Variants in DOCK8 observed in about 807,000 individuals in gnomAD.
DOCK8 encodes dedicator of cytokinesis 8.
DOCK8 carries 141 observed loss-of-function variants against 245.6 expected under a neutral mutation model. That is an observed-to-expected ratio of 0.57 (90% confidence interval 0.50 to 0.66). The LOEUF is 0.66. Ranked by LOEUF, DOCK8 falls within the 30% of genes least tolerant of loss-of-function variation. The probability of loss-of-function intolerance (pLI) is 0.00; values close to 1 mark genes in which losing one functional copy is unlikely to be tolerated. For synonymous variants in DOCK8, 1,168 were observed against 970.2 expected (o/e 1.20, Z -3.79); for missense variants, 2,965 against 2,603.4 (o/e 1.14, Z -3.02).
At chr9:215,366 A>T in intron 1 of DOCK8, 1 of 1,594,382 alleles carries the variant, frequency 6.3e-7, no homozygotes, top group Non-Finnish European at 8.5e-7. Flanking sequence ...CGCCTGGGTA[A>T]CCGTGTTGGG....
At chr9:346,163 G>C (rs2051874708) in intron 14 of DOCK8, among the ~76,000 whole-genome samples, 1 of 152,022 alleles carries the variant, frequency 6.6e-6, no homozygotes, top group African/African-American at 2.4e-5. Flanking sequence ...AGAACAGCTG[G>C]AAAAACTGAG....
chr9:382,434 C>G (rs2053758515), intron 21 of DOCK8, 79 bp from the exon 22 acceptor site: 2 of 1,588,594 alleles, frequency 1.3e-6, no homozygotes, highest in South Asian at 1.1e-5. Flanking sequence ...CCACCCTATC[C>G]CTCTTCAATT....
chr9:414,683 T>G lies in DOCK8; in HGVS notation c.3531-99T>G, dbSNP rs543168594. 4.8e-6 allele frequency: 7 copies of G among 1,447,836 alleles called. No homozygotes were observed. The African/African-American group carries it at 7.0e-5, about 14-fold the overall frequency. 89.7% of individuals were successfully genotyped at this position (1,447,836 alleles called of 1,614,324 possible). A position where few individuals can be genotyped will look rare whatever the true frequency, so the allele number is the denominator to read the frequency against. On this transcript the variant is annotated intron_variant, in intron 28 of 47. Coordinates refer to ENST00000432829, the MANE Select transcript of DOCK8 (RefSeq NM_203447.4). The stretch of plus-strand genomic sequence containing the variant: ...ATATTGCTTGGTTTTCACAGTCACC[T>G]CATTGCTTAGGAGCGTTTTCATCAC...
chr9:256,410 C>T (rs62531334), intron 1 of DOCK8, among the ~76,000 whole-genome samples: 6,769 of 152,228 alleles, frequency 0.044, 192 homozygotes, highest in South Asian at 0.067. Flanking sequence ...GTACCCAATT[C>T]GTTTCTGCTT....
intron 1 of DOCK8, among the ~76,000 whole-genome samples, chr9:270,923 C>T (rs891790385): frequency 2.0e-5 from 3 of 152,170 alleles, no homozygotes; most frequent in African/African-American, 7.2e-5. Flanking sequence ...GATAAGTGCT[C>T]AGAAGTCAAC....
chr9:428,982 T>C (rs1405417070), intron 35 of DOCK8, among the ~76,000 whole-genome samples: 1 of 152,240 alleles, frequency 6.6e-6, no homozygotes, highest in Non-Finnish European at 1.5e-5. Context: ...ATTTATTTAT[T>C]TTTGAGACTG....
chr9:269,786 G>C (rs1261679178), intron 1 of DOCK8, among the ~76,000 whole-genome samples: 1 of 152,120 alleles, frequency 6.6e-6, no homozygotes, highest in Non-Finnish European at 1.5e-5. Flanking sequence ...ATGAACTCCT[G>C]ACCTCAAGTG....
chr9:434,999 T>G, intron 39 of DOCK8, 24 bp downstream of exon 39: 1 of 1,610,450 alleles, frequency 6.2e-7, no homozygotes, highest in Non-Finnish European at 8.5e-7. Context: ...AGCTTTTCCC[T>G]TAGAGCAGTG....
chr9:464,226 C>G lies in DOCK8; in HGVS notation c.*7C>G. The G allele has an allele frequency of 6.2e-7, 1 of 1,612,800 alleles. No homozygotes were observed. Among genetic ancestry groups the G allele is most frequent in the Non-Finnish European group, 8.5e-7 (1 of 1,178,790 alleles). On this transcript the variant is annotated 3_prime_UTR_variant, in exon 48 of 48. Coordinates refer to ENST00000432829, the MANE Select transcript of DOCK8 (RefSeq NM_203447.4). ...GTTGTCACAGGGCAGCTAAGAAAAG[C>G]CATCTTCATTCGTGGAGACTGTGGC...
intron 23 of DOCK8, among the ~76,000 whole-genome samples, chr9:387,637 T>G (rs1365942966): frequency 6.6e-6 from 1 of 152,144 alleles, no homozygotes; most frequent in Non-Finnish European, 1.5e-5. Flanking sequence ...TGCTGTGCAC[T>G]TTGCAGTATT....
Position 370,180 on chromosome 9 carries a change from A to T in DOCK8, c.1798-50A>T, listed in dbSNP as rs755635950. The T allele has an allele frequency of 2.1e-6, 3 of 1,453,216 alleles. No homozygotes were observed. The African/African-American group carries it at 4.2e-5, about 20-fold the overall frequency. The allele number at this position is 1,453,216 out of a possible 1,614,324, so 90.0% of individuals were successfully genotyped here. A position where few individuals can be genotyped will look rare whatever the true frequency, so the allele number is the denominator to read the frequency against. ...TGTTGGCCTGATGATAGTCAATTTGATGTACCCAAATGTTACTGATAATTT... is the reference window on the plus strand; with the variant it reads ...TGTTGGCCTGATGATAGTCAATTTGTTGTACCCAAATGTTACTGATAATTT... On this transcript the variant is annotated intron_variant, in intron 15 of 47. Transcript: ENST00000432829.
intron 1 of DOCK8, among the ~76,000 whole-genome samples, chr9:224,239 A>G (rs922676132): frequency 6.6e-6 from 1 of 152,150 alleles, no homozygotes; most frequent in African/African-American, 2.4e-5. Context: ...TCATTTCCTG[A>G]AATCACCAGG....
intron 4 of DOCK8, among the ~76,000 whole-genome samples, chr9:290,816 G>C (rs2049007334): frequency 6.6e-6 from 1 of 152,158 alleles, no homozygotes; most frequent in Non-Finnish European, 1.5e-5. Flanking sequence ...TATTCTATGG[G>C]GTAAATGATG....
At chr9:276,087 C>T (rs192725561) in intron 2 of DOCK8, among the ~76,000 whole-genome samples, 6 of 151,946 alleles carry the variant, frequency 3.9e-5, no homozygotes, top group Non-Finnish European at 7.4e-5. Context: ...GACGGGGTTT[C>T]GCCATGTTGG....
At chr9:423,641 A>G (rs1003741947) in intron 33 of DOCK8, among the ~76,000 whole-genome samples, 6 of 152,208 alleles carry the variant, frequency 3.9e-5, no homozygotes, top group African/African-American at 1.4e-4. Context: ...TATAGATGTG[A>G]CTTGGAAACC....
At chr9:427,502 G>A (rs560578031) in intron 34 of DOCK8, among the ~76,000 whole-genome samples, 1 of 152,168 alleles carries the variant, frequency 6.6e-6, no homozygotes, top group Non-Finnish European at 1.5e-5. Context: ...GAAAAATATA[G>A]CTTTGTGAAC....
intron 5 of DOCK8, 132 bp from the exon 6 acceptor site, chr9:311,822 C>A (rs1281136223): frequency 9.0e-7 from 1 of 1,116,202 alleles, no homozygotes; most frequent in Non-Finnish European, 1.3e-6. Context: ...TCCGCAGTTT[C>A]TTCAGAAGAC....
At position 441,320 on chromosome 9, in the gene DOCK8, A is replaced by C. The variant is rs771651682; in HGVS notation, c.5258A>C (p.Lys1753Thr). The C allele has an allele frequency of 1.2e-6, 2 of 1,614,200 alleles. No homozygotes were observed. The highest frequency in any genetic ancestry group is 2.2e-5 in the East Asian group (1 of 44,882). ...TATGAGACAGTTAATGAGGTCTACA[A>C]GCTGGTCATCCCCATCCTAGAAGCG... is the stretch of plus-strand genomic sequence containing the variant. ...GLYETVNEVY[K>T]LVIPILEAHR... Residue 1753 changes from lysine to threonine, a missense_variant, in exon 41 of 48, where the codon AAG becomes ACG. By Grantham distance (78) the Lys-to-Thr change is moderately conservative. Around this residue, in one of 3 missense-constraint regions of DOCK8, gnomAD observed 2,825 missense variants for 2,453.5 expected, o/e 1.15. Coordinates refer to ENST00000432829, the MANE Select transcript of DOCK8 (RefSeq NM_203447.4).
chr9:457,310 G>C (rs569880644), intron 46 of DOCK8, among the ~76,000 whole-genome samples: 2 of 152,116 alleles, frequency 1.3e-5, no homozygotes, highest in Non-Finnish European at 2.9e-5. Context: ...ACCTACCCTC[G>C]GTTTCCCCAG....
Sources: allele counts gnomAD v4.1 joint callset (sites outside exome capture counted in the v4.1 genomes callset), GRCh38; gene constraint gnomAD v4.1.1; regional missense constraint gnomAD v4.1.1; transcripts MANE v1.5; gene names NCBI Gene and HGNC (gene_info 2026-07-23, HGNC 2026-07-21).